Variants in ABCC5 observed in about 807,000 individuals in gnomAD.
ABCC5 encodes ATP-binding cassette sub-family C member 5.
Under a neutral mutation model 160.9 loss-of-function variants are expected in ABCC5, and 61 were observed. The ratio of observed to expected loss-of-function variants is 0.38; its 90% CI spans 0.31 to 0.47. The LOEUF (loss-of-function observed/expected upper bound fraction) is 0.47. Ranked by LOEUF, ABCC5 falls within the 20% of genes least tolerant of loss-of-function variation. ABCC5 has a pLI of 0.99. For synonymous variants in ABCC5, 666 were observed against 700.6 expected (o/e 0.95, Z 0.78); for missense variants, 1,308 against 1,813.3 (o/e 0.72, Z 5.06).
At chr3:183,952,496 C>A (rs1317942251) in intron 18 of ABCC5, among the ~76,000 whole-genome samples, 1 of 152,110 alleles carries the variant, frequency 6.6e-6, no homozygotes, top group East Asian at 1.9e-4. Flanking sequence ...TGTCCCCACC[C>A]AAAGCTCATC....
At chr3:183,922,603 G>A (rs181420145) in intron 29 of ABCC5, among the ~76,000 whole-genome samples, 104 of 152,318 alleles carry the variant, frequency 6.8e-4, no homozygotes, top group African/African-American at 2.3e-3. Context: ...CTATGTAGCC[G>A]TGGAAAATCA....
rs1290074940 is a variant in ABCC5 at position 183,990,674 on chromosome 3, G to A, written c.130-1291C>T. Among the ~76,000 whole-genome samples, 5 of 152,170 alleles carry A rather than the reference G, an allele frequency of 3.3e-5. No individual in the cohort carries two copies. The East Asian group carries it at 9.6e-4, about 29-fold the overall frequency. On this transcript the variant is annotated intron_variant, in intron 2 of 29. Coordinates refer to ENST00000334444, the MANE Select transcript of ABCC5 (RefSeq NM_005688.4). The stretch of plus-strand genomic sequence containing the variant: ...CTTATCCTGGCTGCACAGCTGAAGA[G>A]CTCTACACTTCCCTGCAGCACGCAG...
In ABCC5 at chr3:184,014,513, GC is replaced by G. The variant is rs1722026958; in HGVS notation, c.-55-67del. 6.3e-6 allele frequency: 6 copies of G among 952,092 alleles called. No individual in the cohort carries two copies. In the South Asian group the frequency reaches 2.3e-4, roughly 37 times the overall value. 59.0% of individuals were successfully genotyped at this position (952,092 alleles called of 1,614,324 possible). ...ACAGTACTTAACCATAAGCTCAAGT[GC>G]CTTAAAAATAGGAAAAAAAAAAAAA... is the stretch of plus-strand genomic sequence containing the variant. On this transcript the variant is annotated intron_variant, in intron 1 of 29. Coordinates refer to ENST00000334444, the MANE Select transcript of ABCC5 (RefSeq NM_005688.4).
At position 183,921,648 on chromosome 3, in the gene ABCC5, C is replaced by CA. The variant is rs74271190; in HGVS notation, c.4213-248dup. Reference sequence around the variant, plus strand: ...TTTGCCTAATAAAGTAGTATCATAGCAAAAAAAAAAAAAGAAAACGACTTC... The same window carrying CA: ...TTTGCCTAATAAAGTAGTATCATAGCAAAAAAAAAAAAAAGAAAACGACTTC... On this transcript the variant is annotated intron_variant, in intron 29 of 29. Transcript: ENST00000334444. The surrounding 1 kb of genome is among the most constrained non-coding windows in gnomAD (Gnocchi z 4.1). Among the ~76,000 whole-genome samples the CA allele has an allele frequency of 4.5e-3, 580 of 128,908 alleles. 3 individuals are homozygous for CA. Among genetic ancestry groups the CA allele is most frequent in the East Asian group, 0.017 (71 of 4,290 alleles). 84.6% of individuals were successfully genotyped at this position (128,908 alleles called of 152,430 possible).
intron 17 of ABCC5, 65 bp downstream of exon 17, chr3:183,959,668 T>G: frequency 2.5e-6 from 3 of 1,192,848 alleles, no homozygotes; most frequent in Admixed American, 3.9e-5. Flanking sequence ...ATGAATTACT[T>G]ACTACACAAG....
chr3:183,965,689 C>T (rs1252542815), intron 12 of ABCC5, among the ~76,000 whole-genome samples, 188 bp from the exon 13 acceptor site: 1 of 152,196 alleles, frequency 6.6e-6, no homozygotes, highest in Non-Finnish European at 1.5e-5. Context: ...GTTCTCCTTG[C>T]TTATGTGTGA....
chr3:183,933,158 A>T (rs1713340610), intron 26 of ABCC5, among the ~76,000 whole-genome samples: 1 of 133,824 alleles, frequency 7.5e-6, no homozygotes, highest in African/African-American at 2.9e-5. Flanking sequence ...ACAAAGCGAG[A>T]CTGTCTCAAA....
At chr3:183,927,666 A>C in intron 27 of ABCC5, 3 of 985,466 alleles carry the variant, frequency 3.0e-6, no homozygotes, top group Middle Eastern at 1.0e-3. Flanking sequence ...TTATACCATT[A>C]AAACATCCCA....
chr3:183,924,430 A>G (rs1712322703), intron 29 of ABCC5, among the ~76,000 whole-genome samples: 1 of 152,124 alleles, frequency 6.6e-6, no homozygotes, highest in Non-Finnish European at 1.5e-5. Flanking sequence ...ATGTTGAGAG[A>G]TTATATGTAA....
At chr3:183,990,809 G>A (rs1391676533) in intron 2 of ABCC5, among the ~76,000 whole-genome samples, 5 of 152,182 alleles carry the variant, frequency 3.3e-5, no homozygotes, top group Non-Finnish European at 5.9e-5. Context: ...TGCATTCTAA[G>A]TCTGACTGTG....
Position 183,951,451 on chromosome 3 carries a change from G to A in ABCC5, c.2934C>T (p.Asp978=), listed in dbSNP as rs1715335903. ...CTCAGTGAGAAATACCTTCATCCAT[G>A]TCTTTGGAAAACCTGTTGAGAATCC... The part of the protein sequence containing the change: ...TGRILNRFSK[D]MDEVDVRLPF... The change falls in exon 20 of 30, where the codon GAC becomes GAT. Residue 978 remains aspartate (D), a synonymous_variant. Coordinates refer to ENST00000334444, the MANE Select transcript of ABCC5 (RefSeq NM_005688.4). This position sits in a 1 kb window ranked among gnomAD's most constrained non-coding sequence, Gnocchi z 4.7. 1 of 1,614,166 alleles carries A rather than the reference G, an allele frequency of 6.2e-7. No individual in the cohort carries two copies. Among genetic ancestry groups the A allele is most frequent in the Non-Finnish European group, 8.5e-7 (1 of 1,180,022 alleles).
intron 26 of ABCC5, among the ~76,000 whole-genome samples, chr3:183,934,836 AC>A (rs1713532560): frequency 6.7e-6 from 1 of 148,854 alleles, no homozygotes; most frequent in African/African-American, 2.5e-5. Context: ...GTTGTTAACC[AC>A]TAACTCTAGA....
chr3:183,956,021 T>A (rs1301555621), intron 17 of ABCC5, among the ~76,000 whole-genome samples: 2 of 142,556 alleles, frequency 1.4e-5, no homozygotes, highest in South Asian at 2.2e-4. Flanking sequence ...TACATGTTCA[T>A]CCATGTGTAT....
At position 184,014,276 on chromosome 3, in the gene ABCC5, C is replaced by T; in HGVS notation, c.117G>A (p.Arg39=). ...AAAGGAAACTGACCGGTCGAGTTCT[C>T]CTGAACTTGGAATCTTCACGGTCTC... ...THRDREDSKF[R]RTRPLECQDA... The change falls in exon 2 of 30, where the codon AGG becomes AGA. Residue 39 remains arginine (R), a synonymous_variant. Transcript: ENST00000334444. 5.0e-6 allele frequency: 8 copies of T among 1,613,854 alleles called. No individual in the cohort carries two copies. Among genetic ancestry groups the T allele is most frequent in the Non-Finnish European group, 6.8e-6 (8 of 1,179,882 alleles).
At position 183,988,104 on chromosome 3, in the gene ABCC5, T is replaced by C. The variant is rs1719394387; in HGVS notation, c.444-187A>G. 6.6e-6 allele frequency among the ~76,000 whole-genome samples: 1 copy of C among 152,124 alleles called. No homozygotes were observed. Among genetic ancestry groups the C allele is most frequent in the African/African-American group, 2.4e-5 (1 of 41,422 alleles). On this transcript the variant is annotated intron_variant, in intron 4 of 29. Coordinates refer to ENST00000334444, the MANE Select transcript of ABCC5 (RefSeq NM_005688.4). This position sits in a 1 kb window ranked among gnomAD's most constrained non-coding sequence, Gnocchi z 4.4. ...TTCCTAGGGAACTACACATTTACCC[T>C]GTATAAGGAGCCTCCCAGGATACAG...
intron 2 of ABCC5, among the ~76,000 whole-genome samples, chr3:184,006,058 G>C (rs1278501840): frequency 6.6e-6 from 1 of 152,132 alleles, no homozygotes; most frequent in South Asian, 2.1e-4. Flanking sequence ...CGGCATAAGA[G>C]AGCTGATGAT....
intron 17 of ABCC5, among the ~76,000 whole-genome samples, chr3:183,954,505 C>T (rs982348308): frequency 2.0e-5 from 3 of 152,138 alleles, no homozygotes; most frequent in African/African-American, 7.2e-5. Context: ...AGGTTCAAAA[C>T]GAGGCAGCTG....
chr3:183,998,754 G>C (rs562751233), intron 2 of ABCC5, among the ~76,000 whole-genome samples: 1 of 152,046 alleles, frequency 6.6e-6, no homozygotes, highest in Non-Finnish European at 1.5e-5. Flanking sequence ...CCTCATAAAT[G>C]GCTCTTCTCT....
At chr3:183,950,356 G>A (rs1260174197) in intron 20 of ABCC5, among the ~76,000 whole-genome samples, 1 of 151,408 alleles carries the variant, frequency 6.6e-6, no homozygotes, top group Non-Finnish European at 1.5e-5. Flanking sequence ...CTGCCCCACT[G>A]CTTTAAACAT....
Sources: gnomAD v4.1 joint callset for allele counts (sites outside exome capture counted in the v4.1 genomes callset) on GRCh38, gnomAD v4.1.1 for gene constraint, Gnocchi (gnomAD v3.1) non-coding constraint, MANE v1.5 for transcripts, NCBI Gene and HGNC (gene_info 2026-07-23, HGNC 2026-07-21) for gene names.